PSG5: variants seen among roughly 807,000 people sequenced by gnomAD.
The protein encoded by PSG5 is pregnancy-specific beta-1-glycoprotein 5.
PSG5 carries 53 observed loss-of-function variants against 37.7 expected under a neutral mutation model. The observed-to-expected ratio is 1.41, with a 90% CI of 1.13 to 1.77. PSG5 has a LOEUF of 1.77. Ranked by LOEUF, PSG5 falls within the 40% of genes most tolerant of loss-of-function variation. The probability of loss-of-function intolerance (pLI) is 0.00; values close to 1 mark genes in which losing one functional copy is unlikely to be tolerated. For synonymous variants in PSG5, 221 were observed against 155.4 expected, an observed-to-expected ratio of 1.42 and a Z score of -3.14; for missense variants, 547 against 405.2, an observed-to-expected ratio of 1.35 and a Z score of -3.00.
chr19:43,171,887 G>A (rs79198211), intron 4 of PSG5, among the ~76,000 whole-genome samples: 6 of 150,066 alleles, frequency 4.0e-5, no homozygotes, highest in Admixed American at 1.3e-4. Context: ...AAGGAGAATT[G>A]CTTGAGCCCA....
At chr19:43,175,610 A>T (rs571424991) in intron 3 of PSG5, 141 bp from the exon 4 acceptor site, 1 of 1,437,540 alleles carries the variant, frequency 7.0e-7, no homozygotes, top group Non-Finnish European at 9.4e-7. Context: ...TCACTGAGCC[A>T]AAGCCTGAGG....
rs767279111 is a variant in PSG5, at chr19:43,185,125, G to C, written c.87C>G (p.Asn29Lys). The change falls in exon 2 of 6, where the codon AAC becomes AAG. Residue 29 changes from asparagine to lysine, a missense_variant. By Grantham distance (94) the Asn-to-Lys change is moderately conservative. Transcript: ENST00000342951. ...LLTASLLNFW[N>K]LPITAQVTIE... The stretch of plus-strand genomic sequence containing the variant: ...TCGTGACTTGAGCAGTGATAGGCAG[G>C]TTCCAGAAGTTTAAAAGTGATGCTA... 1.2e-6 allele frequency: 2 copies of C among 1,607,618 alleles called. No individual in the cohort carries two copies. The highest frequency in any genetic ancestry group is 1.3e-5 in the African/African-American group (1 of 74,380).
intron 2 of PSG5, among the ~76,000 whole-genome samples, chr19:43,182,583 G>C (rs1000848078): frequency 1.3e-5 from 2 of 150,892 alleles, no homozygotes; most frequent in African/African-American, 4.9e-5. Flanking sequence ...AACTATCCTT[G>C]AAAATCTCTA....
chr19:43,186,160 T>C (rs1010006453), intron 1 of PSG5, among the ~76,000 whole-genome samples, 182 bp downstream of exon 1: 5 of 151,292 alleles, frequency 3.3e-5, no homozygotes, highest in African/African-American at 1.2e-4. Context: ...GTATTTTTAG[T>C]AGAGACAGGG....
Position 43,179,105 on chromosome 19 carries a change from G to A in PSG5, c.431-2957C>T, listed in dbSNP as rs746912441. On this transcript the variant is annotated intron_variant, in intron 2 of 5. Transcript: ENST00000342951. Reference sequence around the variant, plus strand: ...CACAGGTTAAGATCACAGCCTCCATGGCCTCCCTGGGGTTTAAGTTGCTAC... The same window carrying A: ...CACAGGTTAAGATCACAGCCTCCATAGCCTCCCTGGGGTTTAAGTTGCTAC... The A allele has an allele frequency of 2.2e-5, 35 of 1,608,366 alleles. No individual in the cohort carries two copies. In the African/African-American group the frequency reaches 2.3e-4, roughly 11 times the overall value.
chr19:43,175,080 T>C, intron 4 of PSG5, 135 bp downstream of exon 4: 1 of 1,585,686 alleles, frequency 6.3e-7, no homozygotes. Flanking sequence ...TTGGAAGGGT[T>C]CAGGAGGAGA....
intron 2 of PSG5, among the ~76,000 whole-genome samples, chr19:43,182,424 C>T (rs1969147593): frequency 6.6e-6 from 1 of 151,540 alleles, no homozygotes; most frequent in African/African-American, 2.4e-5. Context: ...AACCGGCTGA[C>T]CTCATTCATA....
At chr19:43,173,539 A>T (rs901694911) in intron 4 of PSG5, among the ~76,000 whole-genome samples, 10 of 151,680 alleles carry the variant, frequency 6.6e-5, no homozygotes, top group Non-Finnish European at 1.2e-4. Context: ...AAAAATGAAC[A>T]AAGGATTAAA....
rs1466893754 is a variant in PSG5 at position 43,174,654 on chromosome 19, C to T, written c.964+561G>A. On this transcript the variant is annotated intron_variant, in intron 4 of 5. Transcript: ENST00000342951. ...TCGATTTAGCCAAATTCAGGACAGGCCACCAGGACTCTTTCTCCACACATG... is the reference window on the plus strand; with the variant it reads ...TCGATTTAGCCAAATTCAGGACAGGTCACCAGGACTCTTTCTCCACACATG... 6.1e-6 allele frequency: 6 copies of T among 980,558 alleles called. No homozygotes were observed. In the East Asian group the frequency reaches 4.8e-4, roughly 79 times the overall value. The allele number at this position is 980,558 out of a possible 1,614,324, so 60.7% of individuals were successfully genotyped here. A position where few individuals can be genotyped will look rare whatever the true frequency, so the allele number is the denominator to read the frequency against.
intron 4 of PSG5, chr19:43,174,293 G>A (rs1968959423): frequency 3.0e-6 from 1 of 329,590 alleles, no homozygotes; most frequent in Non-Finnish European, 4.3e-6. Flanking sequence ...ATAGTGTGAT[G>A]GTTACACAAC....
chr19:43,172,330 C>G lies in PSG5; in HGVS notation c.965-2192G>C, dbSNP rs60280875. Among the ~76,000 whole-genome samples the G allele has an allele frequency of 6.4e-3, 976 of 151,586 alleles. 27 individuals are homozygous for G. The highest frequency in any genetic ancestry group is 0.022 in the African/African-American group (923 of 41,230). On this transcript the variant is annotated intron_variant, in intron 4 of 5. Coordinates refer to ENST00000342951, the MANE Select transcript of PSG5 (RefSeq NM_002781.4). ...AAAGCTTTCCCTGTATGAGCAGGAA[C>G]AAGACAAGGATGCCTGCTTTTGACA...
At chr19:43,169,561 G>C (rs2883676) in intron 5 of PSG5, among the ~76,000 whole-genome samples, 11 of 151,572 alleles carry the variant, frequency 7.3e-5, no homozygotes, top group East Asian at 1.9e-4. Context: ...AAGTGAGAAG[G>C]CTTACTAAAT....
At position 43,175,873 on chromosome 19, in the gene PSG5, G is replaced by A. The variant is rs758057212; in HGVS notation, c.706C>T (p.Leu236Phe). 1.2e-5 allele frequency: 19 copies of A among 1,612,442 alleles called. 1 individual carries two copies. In the Middle Eastern group the frequency reaches 2.2e-3, roughly 183 times the overall value. Reference sequence around the variant, plus strand: ...CAGAGGAACAAAAGATACTCACAGAGGACATTCAGGGTGACTGGGTCACTG... The same window carrying A: ...CAGAGGAACAAAAGATACTCACAGAAGACATTCAGGGTGACTGGGTCACTG... Reference protein sequence around the residue: ...MRSDPVTLNVLYGPDLPSIYP... With the variant: ...MRSDPVTLNVFYGPDLPSIYP... Residue 236 changes from leucine to phenylalanine, a missense_variant, in exon 3 of 6, where the codon CTC becomes TTC. Transcript: ENST00000342951.
chr19:43,176,366 G>T (rs188776967), intron 2 of PSG5, among the ~76,000 whole-genome samples: 1 of 151,624 alleles, frequency 6.6e-6, no homozygotes, highest in African/African-American at 2.4e-5. Flanking sequence ...ACTTTCTCAA[G>T]TGTCAATTGA....
At position 43,169,539 on chromosome 19, in the gene PSG5, T is replaced by C. The variant is rs1213539558; in HGVS notation, c.*40+516A>G. 1.3e-5 allele frequency among the ~76,000 whole-genome samples: 2 copies of C among 151,436 alleles called. 1 individual carries two copies. The highest frequency in any genetic ancestry group is 2.9e-5 in the Non-Finnish European group (2 of 67,844). On this transcript the variant is annotated intron_variant, in intron 5 of 5. Coordinates refer to ENST00000342951, the MANE Select transcript of PSG5 (RefSeq NM_002781.4). ...AGGATGAAGGAATTATACTAGGAAG[T>C]AGAGGTAAAGGAAGTGAGAAGGCTT...
chr19:43,171,440 A>T (rs903703591), intron 4 of PSG5: 9 of 177,666 alleles, frequency 5.1e-5, no homozygotes, highest in Admixed American at 2.5e-4. Context: ...ATCTCAGGTC[A>T]ACAACCTACT....
In PSG5 at chr19:43,176,045, G is replaced by T. The variant is rs771759577; in HGVS notation, c.534C>A (p.Tyr178Ter). The T allele has an allele frequency of 6.2e-7, 1 of 1,611,144 alleles. No homozygotes were observed. The highest frequency in any genetic ancestry group is 2.2e-5 in the East Asian group (1 of 44,872). The stretch of plus-strand genomic sequence containing the variant: ...GGCTCTGACCATTTAGCCACCAAAT[G>T]TAGGTGTAGTTCTCACTCTTAGGTT... The part of the protein sequence containing the change: ...TCEPKSENYT[Y>*]IWWLNGQSLP... The change falls in exon 3 of 6, where the codon TAC becomes TAA. Residue 178 changes from tyrosine (Y) to a stop codon, truncating the protein, a stop_gained. Transcript: ENST00000342951. LOFTEE classifies it high-confidence loss of function.
intron 2 of PSG5, chr19:43,178,880 G>T (rs1969067841): frequency 6.2e-7 from 1 of 1,612,818 alleles, no homozygotes; most frequent in African/African-American, 1.3e-5. Flanking sequence ...GATACTCACG[G>T]AGGAGATTCA....
In PSG5 at chr19:43,185,070, C is replaced by T. The variant is rs1160321656; in HGVS notation, c.142G>A (p.Gly48Arg). The change falls in exon 2 of 6, where the codon GGG becomes AGG. Residue 48 changes from glycine to arginine, a missense_variant. By Grantham distance (125) the Gly-to-Arg change is moderately radical (BLOSUM62 -2). Coordinates refer to ENST00000342951, the MANE Select transcript of PSG5 (RefSeq NM_002781.4). ...TGGACAAGTAGAAGAACATCCTTCC[C>T]CTCGGAAACTTTGGGTGGCAGGGCT... ...IEALPPKVSE[G>R]KDVLLLVHNL... 1 of 1,612,254 alleles carries T rather than the reference C, an allele frequency of 6.2e-7. No homozygotes were observed. Among genetic ancestry groups the T allele is most frequent in the East Asian group, 2.2e-5 (1 of 44,886 alleles).
Sources: allele counts gnomAD v4.1 joint callset (sites outside exome capture counted in the v4.1 genomes callset), GRCh38; gene constraint gnomAD v4.1.1; transcripts MANE v1.5; gene names NCBI Gene and HGNC (gene_info 2026-07-23, HGNC 2026-07-21).